The following PAPPA variants were observed in gnomAD, a reference collection of about 807,000 sequenced individuals.
PAPPA encodes pappalysin 1.
Under a neutral mutation model 164.0 loss-of-function variants are expected in PAPPA, and 60 were observed. The observed-to-expected ratio is 0.37, with a 90% CI of 0.30 to 0.45. The LOEUF (loss-of-function observed/expected upper bound fraction) is 0.45. PAPPA is among the 20% of genes least tolerant of loss of function. The pLI, the probability that PAPPA is intolerant of heterozygous loss-of-function variation, is 1.00. For missense variants in PAPPA, 1,782 were observed against 2,087.3 expected, an observed-to-expected ratio of 0.85 and a Z score of 2.85; for synonymous variants, 875 against 814.1, an observed-to-expected ratio of 1.07 and a Z score of -1.27.
At chr9:116,157,540 C>T (rs1843618155) in intron 1 of PAPPA, among the ~76,000 whole-genome samples, 1 of 152,082 alleles carries the variant, frequency 6.6e-6, no homozygotes, top group African/African-American at 2.4e-5. Context: ...GAAAAGGGTC[C>T]TCAGAGGTTA....
chr9:116,368,874 T>G (rs1475507220), intron 19 of PAPPA, among the ~76,000 whole-genome samples: 2 of 152,114 alleles, frequency 1.3e-5, no homozygotes, highest in Admixed American at 6.5e-5. Flanking sequence ...TCAAATGCGC[T>G]GAGGGCACGA....
rs189166468 is a variant in PAPPA, at chr9:116,251,411, C to G, written c.2733-14446C>G. Among the ~76,000 whole-genome samples the G allele has an allele frequency of 2.2e-4, 34 of 152,300 alleles. No homozygotes were observed. In the East Asian group the frequency reaches 6.4e-3, roughly 29 times the overall value. ...AGATGTGGTGCCAAATTCGAAAATG[C>G]TGTTGGGTTTGCCCTCTGCCAGTAA... On this transcript the variant is annotated intron_variant, in intron 7 of 21. Transcript: ENST00000328252.
intron 13 of PAPPA, among the ~76,000 whole-genome samples, chr9:116,341,335 C>G (rs1035102871): frequency 6.6e-6 from 1 of 152,046 alleles, no homozygotes; most frequent in African/African-American, 2.4e-5. Flanking sequence ...CCACCACACC[C>G]GACCTCAAAG....
At chr9:116,209,531 C>G (rs1844281321) in intron 3 of PAPPA, among the ~76,000 whole-genome samples, 1 of 152,026 alleles carries the variant, frequency 6.6e-6, no homozygotes, top group African/African-American at 2.4e-5. Context: ...GGCTCAGGGC[C>G]AGGAATAAGG....
chr9:116,211,869 A>T lies in PAPPA; in HGVS notation c.1855A>T (p.Asn619Tyr), dbSNP rs1401690469. 6.2e-7 allele frequency: 1 copy of T among 1,614,146 alleles called. No homozygotes were observed. Among genetic ancestry groups the T allele is most frequent in the East Asian group, 2.2e-5 (1 of 44,874 alleles). The change falls in exon 4 of 22, where the codon AAT becomes TAT. Residue 619 changes from asparagine (N) to tyrosine (Y), a missense_variant. Asn to Tyr is a moderately radical substitution (Grantham distance 143). Transcript: ENST00000328252. ...HKSCGDPGPG[N>Y]DTCGFHSFFN... ...GTCCTGTGGTGACCCAGGGCCAGGA[A>T]ATGACACCTGTGGCTTTCATAGCTT... is the stretch of plus-strand genomic sequence containing the variant.
intron 9 of PAPPA, among the ~76,000 whole-genome samples, chr9:116,296,719 C>A (rs146159592): frequency 8.8e-4 from 133 of 152,000 alleles, no homozygotes; most frequent in African/African-American, 3.1e-3. Context: ...ACATTTCAGG[C>A]AGAGAAAAAC....
intron 4 of PAPPA, among the ~76,000 whole-genome samples, chr9:116,214,130 C>T (rs1315177587): frequency 1.3e-5 from 2 of 152,282 alleles, no homozygotes; most frequent in African/African-American, 4.8e-5. Context: ...AGTATGGTAG[C>T]CATGACCTCT....
chr9:116,320,644 A>T (rs1411261506), intron 10 of PAPPA, among the ~76,000 whole-genome samples: 1 of 152,108 alleles, frequency 6.6e-6, no homozygotes, highest in Admixed American at 6.5e-5. Context: ...AGGCCTGGGG[A>T]AAGTGATAAT....
intron 19 of PAPPA, among the ~76,000 whole-genome samples, chr9:116,370,618 A>T (rs956984716): frequency 2.0e-5 from 3 of 152,232 alleles, no homozygotes; most frequent in African/African-American, 7.2e-5. Context: ...GTCACTGAGC[A>T]CAAAGTTGGG....
chr9:116,229,513 G>A (rs1311216914), intron 6 of PAPPA, among the ~76,000 whole-genome samples: 6 of 152,176 alleles, frequency 3.9e-5, no homozygotes, highest in African/African-American at 4.8e-5. Context: ...ACCTGCATAA[G>A]CAAAAGTTCA....
chr9:116,295,668 T>A (rs1845497668), intron 9 of PAPPA, among the ~76,000 whole-genome samples: 1 of 152,176 alleles, frequency 6.6e-6, no homozygotes, highest in Admixed American at 6.5e-5. Context: ...TAGCTTCAGA[T>A]CAGTTTCTTA....
chr9:116,235,481 A>T lies in PAPPA; in HGVS notation c.2576A>T (p.Asp859Val). The T allele has an allele frequency of 6.2e-7, 1 of 1,613,586 alleles. No individual in the cohort carries two copies. Among genetic ancestry groups the T allele is most frequent in the Non-Finnish European group, 8.5e-7 (1 of 1,179,878 alleles). The change falls in exon 7 of 22, where the codon GAT (aspartate) becomes GTT (valine). Residue 859 changes from aspartate (D) to valine (V), a missense_variant. Around this residue, in one of 2 missense-constraint regions of PAPPA, gnomAD observed 1,324 missense variants for 1,656.9 expected, o/e 0.80. Transcript: ENST00000328252. ...TATGGCATCCAAATCTACACGCTGG[A>T]TGAGCACCTGGAGATCGATGCTGCC... The part of the protein sequence containing the change: ...EVYGIQIYTL[D>V]EHLEIDAAML...
At chr9:116,390,836 C>CCAT in intron 21 of PAPPA, among the ~76,000 whole-genome samples, 1 of 152,272 alleles carries the variant, frequency 6.6e-6, no homozygotes, top group African/African-American at 2.4e-5. Context: ...ATTACCACCA[C>CCAT]CATCATCATC....
At chr9:116,266,911 T>G (rs1198326687) in intron 8 of PAPPA, among the ~76,000 whole-genome samples, 1 of 152,238 alleles carries the variant, frequency 6.6e-6, no homozygotes. Context: ...TAAGAGACTT[T>G]TTAAACTATT....
At chr9:116,213,147 A>G (rs1159176903) in intron 4 of PAPPA, among the ~76,000 whole-genome samples, 2 of 152,202 alleles carry the variant, frequency 1.3e-5, no homozygotes, top group East Asian at 3.9e-4. Context: ...GTAGGGCTTT[A>G]GGCTCTCATT....
intron 17 of PAPPA, among the ~76,000 whole-genome samples, chr9:116,357,490 C>T (rs1281833981): frequency 6.6e-6 from 1 of 152,188 alleles, no homozygotes; most frequent in East Asian, 1.9e-4. Context: ...AACAAAATCC[C>T]CATTTTACAG....
At position 116,335,007 on chromosome 9, in the gene PAPPA, G is replaced by A. The variant is rs772505588; in HGVS notation, c.3544G>A (p.Asp1182Asn). ...CTCGGGGGTGGCCCTCCGTTCCTTC[G>A]ACAACTTTGACCCCGTCACCCTGAG... is the stretch of plus-strand genomic sequence containing the variant. Reference protein sequence around the residue: ...AISGVALRSFDNFDPVTLSSC... With the variant: ...AISGVALRSFNNFDPVTLSSC... Residue 1182 changes from aspartate (D) to asparagine (N), a missense_variant, in exon 13 of 22, where the codon GAC becomes AAC. By Grantham distance (23) the Asp-to-Asn change is conservative. Coordinates refer to ENST00000328252, the MANE Select transcript of PAPPA (RefSeq NM_002581.5). The A allele has an allele frequency of 3.1e-6, 5 of 1,612,566 alleles. No homozygotes were observed. Among genetic ancestry groups the A allele is most frequent in the African/African-American group, 1.3e-5 (1 of 74,554 alleles).
In PAPPA at chr9:116,397,948, T is replaced by G. The variant is rs972320947; in HGVS notation, c.*1332T>G. 2 of 152,746 alleles carry G rather than the reference T, an allele frequency of 1.3e-5. No individual in the cohort carries two copies. Among genetic ancestry groups the G allele is most frequent in the African/African-American group, 4.8e-5 (2 of 41,434 alleles). The allele number at this position is 152,746 out of a possible 1,614,324, so 9.5% of individuals were successfully genotyped here. On this transcript the variant is annotated 3_prime_UTR_variant, in exon 22 of 22. Coordinates refer to ENST00000328252, the MANE Select transcript of PAPPA (RefSeq NM_002581.5). ...AATCTTTTATAAGAACAGTACAGAT[T>G]GTTCTCAAGAGGGCCATCAGAAGGA... is the stretch of plus-strand genomic sequence containing the variant.
intron 6 of PAPPA, among the ~76,000 whole-genome samples, chr9:116,228,011 A>C (rs915778208): frequency 6.6e-6 from 1 of 152,000 alleles, no homozygotes; most frequent in Non-Finnish European, 1.5e-5. Context: ...ATTCCTTTTA[A>C]TTTCTTCTAT....
Sources: allele counts gnomAD v4.1 joint callset (sites outside exome capture counted in the v4.1 genomes callset), GRCh38; gene constraint gnomAD v4.1.1; regional missense constraint gnomAD v4.1.1; transcripts MANE v1.5; gene names NCBI Gene and HGNC (gene_info 2026-07-23, HGNC 2026-07-21).